The following RALGAPA1 variants were observed in gnomAD, a reference collection of about 807,000 sequenced individuals.
RALGAPA1 encodes the protein ral GTPase-activating protein subunit alpha-1.
A neutral mutation model predicts 269.6 loss-of-function variants in RALGAPA1; 52 were observed. That is an observed-to-expected ratio of 0.19 (90% CI 0.15 to 0.24). RALGAPA1 has a LOEUF of 0.24. RALGAPA1 is among the 10% of genes least tolerant of loss of function. The pLI is 1.00. For missense variants in RALGAPA1, 1,917 were observed against 3,013.9 expected (o/e 0.64, Z 8.52); for synonymous variants, 817 against 1,008.3 (o/e 0.81, Z 3.60).
At chr14:35,803,087 T>C (rs919517602) in intron 1 of RALGAPA1, among the ~76,000 whole-genome samples, 1 of 152,194 alleles carries the variant, frequency 6.6e-6, no homozygotes, top group East Asian at 1.9e-4. Flanking sequence ...ACAACACTAC[T>C]TGATTTCAAG....
chr14:35,578,882 G>A (rs1481820808), intron 37 of RALGAPA1, among the ~76,000 whole-genome samples: 2 of 152,216 alleles, frequency 1.3e-5, no homozygotes, highest in Non-Finnish European at 2.9e-5. Context: ...AGATACAGCA[G>A]TAAGCAAAAG....
intron 35 of RALGAPA1, 93 bp from the exon 36 acceptor site, chr14:35,605,802 T>C: frequency 7.1e-7 from 1 of 1,407,216 alleles, no homozygotes; most frequent in South Asian, 1.4e-5. Flanking sequence ...TATGTAGCAA[T>C]AAAAAGATGA....
At chr14:35,796,308 A>G (rs1383477863) in intron 1 of RALGAPA1, among the ~76,000 whole-genome samples, 1 of 152,230 alleles carries the variant, frequency 6.6e-6, no homozygotes, top group Non-Finnish European at 1.5e-5. Flanking sequence ...ACTTGAAGAC[A>G]TAGCAATAGA....
chr14:35,808,689 G>A (rs777773382), intron 1 of RALGAPA1, 41 bp downstream of exon 1: 7 of 1,577,564 alleles, frequency 4.4e-6, no homozygotes, highest in Non-Finnish European at 5.2e-6. Flanking sequence ...AGGGAAGGCC[G>A]GGCAACCCAG....
intron 31 of RALGAPA1, among the ~76,000 whole-genome samples, chr14:35,640,420 C>A (rs183570044): frequency 6.6e-6 from 1 of 152,048 alleles, no homozygotes; most frequent in African/African-American, 2.4e-5. Context: ...AAAACCGATA[C>A]AGCAGAAATT....
At chr14:35,660,747 C>T (rs1314954661) in intron 27 of RALGAPA1, among the ~76,000 whole-genome samples, 3 of 151,984 alleles carry the variant, frequency 2.0e-5, no homozygotes. Context: ...CACCCACACA[C>T]GTACATGAAT....
intron 18 of RALGAPA1, among the ~76,000 whole-genome samples, chr14:35,687,567 C>T (rs1237042448): frequency 6.6e-6 from 1 of 152,166 alleles, no homozygotes; most frequent in Admixed American, 6.5e-5. Flanking sequence ...CGTTGTTAAT[C>T]ATGCTAACAA....
At chr14:35,798,882 G>A (rs1173658830) in intron 1 of RALGAPA1, among the ~76,000 whole-genome samples, 4 of 151,856 alleles carry the variant, frequency 2.6e-5, no homozygotes, top group Admixed American at 2.0e-4. Flanking sequence ...TGTAATCCCA[G>A]CTATTTTGCA....
At chr14:35,808,633 G>A in intron 1 of RALGAPA1, 97 bp downstream of exon 1, 31 of 1,355,068 alleles carry the variant, frequency 2.3e-5, no homozygotes, top group Non-Finnish European at 3.2e-5. Flanking sequence ...GCCCTCTCCT[G>A]CACCGCGCCA....
chr14:35,589,477 G>C (rs987507947), intron 37 of RALGAPA1, among the ~76,000 whole-genome samples: 1 of 152,056 alleles, frequency 6.6e-6, no homozygotes, highest in Non-Finnish European at 1.5e-5. Flanking sequence ...CTATTCCACA[G>C]TGTTTACATA....
chr14:35,802,389 T>A (rs1376339038), intron 1 of RALGAPA1, among the ~76,000 whole-genome samples: 1 of 152,162 alleles, frequency 6.6e-6, no homozygotes, highest in African/African-American at 2.4e-5. Flanking sequence ...TCAGTGGTAT[T>A]TCCTGATATG....
intron 1 of RALGAPA1, among the ~76,000 whole-genome samples, chr14:35,801,776 A>C (rs2076993817): frequency 6.6e-6 from 1 of 152,102 alleles, no homozygotes; most frequent in African/African-American, 2.4e-5. Flanking sequence ...TCTACAAAAA[A>C]CCTACAGTTA....
chr14:35,750,761 TA>T (rs1416767190), intron 8 of RALGAPA1, 71 bp from the exon 9 acceptor site: 3 of 1,234,696 alleles, frequency 2.4e-6, no homozygotes, highest in Non-Finnish European at 3.4e-6. Flanking sequence ...CCTACATTTT[TA>T]AATACTTGAG....
At chr14:35,630,344 G>GGC (rs925783687) in intron 33 of RALGAPA1, among the ~76,000 whole-genome samples, 1 of 151,750 alleles carries the variant, frequency 6.6e-6, no homozygotes, top group Non-Finnish European at 1.5e-5. Context: ...CTGGAGTGCA[G>GGC]TGGCACGATC....
chr14:35,779,455 T>C (rs1881172000), intron 1 of RALGAPA1, among the ~76,000 whole-genome samples: 1 of 151,850 alleles, frequency 6.6e-6, no homozygotes, highest in Non-Finnish European at 1.5e-5. Flanking sequence ...GCCTAGGAAT[T>C]TAAGTTAAGT....
intron 41 of RALGAPA1, among the ~76,000 whole-genome samples, chr14:35,541,456 A>G (rs1275440823): frequency 1.3e-5 from 2 of 152,206 alleles, no homozygotes; most frequent in African/African-American, 4.8e-5. Flanking sequence ...TTCTTCTCAA[A>G]GTAACTTTTC....
intron 39 of RALGAPA1, among the ~76,000 whole-genome samples, chr14:35,568,676 CTGAT>C (rs1236503080): frequency 1.3e-5 from 2 of 152,132 alleles, no homozygotes; most frequent in African/African-American, 4.8e-5. Flanking sequence ...GGAAATGAAA[CTGAT>C]TGCTGGCTGA....
intron 16 of RALGAPA1, among the ~76,000 whole-genome samples, chr14:35,714,895 C>T (rs867044475): frequency 2.6e-5 from 4 of 152,182 alleles, no homozygotes; most frequent in South Asian, 2.1e-4. Context: ...TTCCTTAGCA[C>T]TTTGAAGATA....
At chr14:35,580,227 T>A (rs1028093626) in intron 37 of RALGAPA1, among the ~76,000 whole-genome samples, 3 of 152,316 alleles carry the variant, frequency 2.0e-5, no homozygotes, top group East Asian at 3.9e-4. Flanking sequence ...TATCTCAACT[T>A]GATCTTCATC....
Sources: gnomAD v4.1 joint callset for allele counts (sites outside exome capture counted in the v4.1 genomes callset) on GRCh38, gnomAD v4.1.1 for gene constraint, MANE v1.5 for transcripts, NCBI Gene and HGNC (gene_info 2026-07-23, HGNC 2026-07-21) for gene names.